The following ATOX1 variants were observed in gnomAD, a reference collection of about 807,000 sequenced individuals.
The protein encoded by ATOX1 is copper transport protein ATOX1.
ATOX1 carries 4 observed loss-of-function variants against 7.3 expected under a neutral mutation model. The ratio of observed to expected loss-of-function variants is 0.55; its 90% confidence interval spans 0.27 to 1.25. The LOEUF is 1.25. Among genes scored for constraint, ATOX1 ranks in the 50% most tolerant of loss-of-function variants. ATOX1 has a pLI of 0.12. For synonymous variants in ATOX1, 25 were observed against 28.7 expected (o/e 0.87, Z 0.41); for missense variants, 68 against 81.6 (o/e 0.83, Z 0.64).
In ATOX1 at chr5:151,755,898, G is replaced by A. The variant is rs28917180; in HGVS notation, c.6+2648C>T. ...AATGGGTAGATTTTAAAAGCCAGTAGGTTTAAAGTAGGTTTTTAAAGTCAG... is the reference window on the plus strand; with the variant it reads ...AATGGGTAGATTTTAAAAGCCAGTAAGTTTAAAGTAGGTTTTTAAAGTCAG... On this transcript the variant is annotated intron_variant, in intron 1 of 3. Transcript: ENST00000313115. Among the ~76,000 whole-genome samples, 806 of 151,402 alleles carry A rather than the reference G, an allele frequency of 5.3e-3. 6 individuals are homozygous for A. Among genetic ancestry groups the A allele is most frequent in the South Asian group, 0.029 (140 of 4,780 alleles).
intron 1 of ATOX1, among the ~76,000 whole-genome samples, chr5:151,755,975 A>C (rs1762010684): frequency 1.4e-5 from 2 of 142,282 alleles, no homozygotes; most frequent in Admixed American, 7.3e-5. Flanking sequence ...TGAGTCTCAC[A>C]GTGTCACCCA....
chr5:151,750,225 G>C (rs961711344), intron 2 of ATOX1, among the ~76,000 whole-genome samples: 1 of 152,166 alleles, frequency 6.6e-6, no homozygotes, highest in African/African-American at 2.4e-5. Flanking sequence ...AAATGACAAG[G>C]CTGGATGAGA....
At chr5:151,754,655 C>T (rs890993582) in intron 1 of ATOX1, among the ~76,000 whole-genome samples, 13 of 151,968 alleles carry the variant, frequency 8.6e-5, no homozygotes, top group African/African-American at 2.9e-4. Flanking sequence ...TGGCACACTA[C>T]AAACTACCTG....
intron 1 of ATOX1, 62 bp downstream of exon 1, chr5:151,758,484 G>A (rs1762043056): frequency 3.7e-5 from 55 of 1,468,580 alleles, no homozygotes; most frequent in Middle Eastern, 3.6e-4. Flanking sequence ...TCAAGCGGCT[G>A]TGCAGCCGAG....
At chr5:151,747,523 G>A (rs1390175782) in intron 2 of ATOX1, among the ~76,000 whole-genome samples, 4 of 151,804 alleles carry the variant, frequency 2.6e-5, no homozygotes, top group East Asian at 1.9e-4. Context: ...AGGCTCAAGC[G>A]ATCCGCCTGC....
intron 1 of ATOX1, among the ~76,000 whole-genome samples, chr5:151,758,013 G>A (rs1762037722): frequency 6.6e-6 from 1 of 152,232 alleles, no homozygotes. Context: ...CTGAGAAAGT[G>A]TCTCCATTCA....
At chr5:151,757,374 C>T (rs997595671) in intron 1 of ATOX1, among the ~76,000 whole-genome samples, 10 of 152,242 alleles carry the variant, frequency 6.6e-5, no homozygotes, top group East Asian at 1.9e-4. Flanking sequence ...TCTACCATTG[C>T]CACAGGCTGA....
chr5:151,751,793 AG>A lies in ATOX1; in HGVS notation c.7-15del, dbSNP rs571657964. The A allele has an allele frequency of 5.6e-3, 8,917 of 1,599,126 alleles. 43 individuals carry two copies. Among genetic ancestry groups the A allele is most frequent in the Non-Finnish European group, 6.1e-3 (7,196 of 1,172,988 alleles). ...GAACTCGTGCTTCTGAAACAAACAC[AG>A]GGGGACCATGACCCGAGCCCTGTAG... On this transcript the variant is annotated splice_polypyrimidine_tract_variant and intron_variant, in intron 1 of 3. Transcript: ENST00000313115.
chr5:151,754,542 G>C (rs968311151), intron 1 of ATOX1, among the ~76,000 whole-genome samples: 1 of 151,928 alleles, frequency 6.6e-6, no homozygotes, highest in Non-Finnish European at 1.5e-5. Context: ...AAACCCAGGA[G>C]TTTGAGACTA....
chr5:151,750,586 G>A (rs1174666254), intron 2 of ATOX1, among the ~76,000 whole-genome samples: 3 of 134,998 alleles, frequency 2.2e-5, no homozygotes, highest in Non-Finnish European at 1.6e-5. Context: ...TAAAGAAACA[G>A]AAAAAGACAA....
chr5:151,748,109 T>A (rs1581556309), intron 2 of ATOX1, among the ~76,000 whole-genome samples: 1 of 152,366 alleles, frequency 6.6e-6, no homozygotes, highest in East Asian at 1.9e-4. Flanking sequence ...ATTTGGCACA[T>A]TTTGAATGTT....
At chr5:151,756,005 G>A (rs1456771526) in intron 1 of ATOX1, among the ~76,000 whole-genome samples, 3 of 146,588 alleles carry the variant, frequency 2.0e-5, no homozygotes, top group Middle Eastern at 3.6e-3. Flanking sequence ...GCAGTGGCAC[G>A]ATCTCAGCTC....
At chr5:151,753,828 G>A (rs1291015062) in intron 1 of ATOX1, 2 of 152,168 alleles carry the variant, frequency 1.3e-5, no homozygotes, top group Non-Finnish European at 2.9e-5. Context: ...AAAATAAAGT[G>A]GCTAAGTGGC....
chr5:151,746,323 T>C lies in ATOX1; in HGVS notation c.*2A>G, dbSNP rs890328418. The C allele has an allele frequency of 3.1e-6, 5 of 1,612,992 alleles. No homozygotes were observed. The African/African-American group carries it at 6.7e-5, about 22-fold the overall frequency. On this transcript the variant is annotated 3_prime_UTR_variant, in exon 3 of 4. Transcript: ENST00000313115. ...CTGTGGGCTGTGGGGACCAGGCCCCTGCTACTCAAGGCCAAGGTAGGAAAC... is the reference window on the plus strand; with the variant it reads ...CTGTGGGCTGTGGGGACCAGGCCCCCGCTACTCAAGGCCAAGGTAGGAAAC...
intron 2 of ATOX1, among the ~76,000 whole-genome samples, chr5:151,751,490 T>TA (rs910825315): frequency 2.0e-4 from 30 of 147,978 alleles, no homozygotes; most frequent in Middle Eastern, 3.5e-3. Context: ...ATGGAGCTAG[T>TA]AAAAAAAAAA....
chr5:151,749,846 C>T (rs1000084165), intron 2 of ATOX1, among the ~76,000 whole-genome samples: 9 of 152,086 alleles, frequency 5.9e-5, no homozygotes, highest in Non-Finnish European at 1.0e-4. Context: ...AGATTAAGAT[C>T]CCAGTTTACA....
intron 3 of ATOX1, chr5:151,746,043 G>A: frequency 3.2e-6 from 1 of 315,380 alleles, no homozygotes; most frequent in Non-Finnish European, 6.0e-6. Context: ...AGAGGACTCT[G>A]GGAGACATTA....
intron 1 of ATOX1, chr5:151,753,991 C>T (rs935314149): frequency 3.9e-5 from 6 of 152,206 alleles, no homozygotes; most frequent in African/African-American, 1.4e-4. Flanking sequence ...TTATTAAGGC[C>T]AAATCTGCAA....
At chr5:151,755,703 C>T (rs1200403347) in intron 1 of ATOX1, among the ~76,000 whole-genome samples, 1 of 152,128 alleles carries the variant, frequency 6.6e-6, no homozygotes, top group Non-Finnish European at 1.5e-5. Context: ...GTGCTCTCCT[C>T]CTCCACCTCT....
Sources: allele counts gnomAD v4.1 joint callset (sites outside exome capture counted in the v4.1 genomes callset), GRCh38; gene constraint gnomAD v4.1.1; transcripts MANE v1.5; gene names NCBI Gene and HGNC (gene_info 2026-07-23, HGNC 2026-07-21).